The following ABLIM1 variants were observed in gnomAD, a reference collection of about 807,000 sequenced individuals.
ABLIM1 encodes the protein actin binding LIM protein 1, also known as actin-binding LIM protein 1.
In ABLIM1, 40 loss-of-function variants were observed where a neutral mutation model predicts 107.0. The observed-to-expected ratio is 0.37, with a 90% CI of 0.29 to 0.49. ABLIM1 has a LOEUF of 0.49. ABLIM1 is among the 20% of genes least tolerant of loss of function. ABLIM1 has a pLI of 0.97. For synonymous variants in ABLIM1, 357 were observed against 357.3 expected (o/e 1.00, Z 0.01); for missense variants, 857 against 1,008.5 (o/e 0.85, Z 2.04).
chr10:114,486,269 T>A (rs2058174713), intron 8 of ABLIM1, among the ~76,000 whole-genome samples: 1 of 152,122 alleles, frequency 6.6e-6, no homozygotes, highest in African/African-American at 2.4e-5. Flanking sequence ...AGACCCACAT[T>A]CCACTCAGTC....
chr10:114,687,204 C>T (rs552865986), upstream of ABLIM1, among the ~76,000 whole-genome samples: 1 of 152,250 alleles, frequency 6.6e-6, no homozygotes, highest in Non-Finnish European at 1.5e-5. Flanking sequence ...GCAAGTGTGC[C>T]TGTAACTAAG....
chr10:114,563,578 T>A (rs574940429), intron 4 of ABLIM1, among the ~76,000 whole-genome samples: 2 of 152,196 alleles, frequency 1.3e-5, no homozygotes, highest in South Asian at 4.1e-4. Flanking sequence ...CTAATGCCTG[T>A]AATCCCAGCA....
At chr10:114,524,609 A>T (rs919302478) in intron 6 of ABLIM1, among the ~76,000 whole-genome samples, 1 of 152,234 alleles carries the variant, frequency 6.6e-6, no homozygotes, top group Non-Finnish European at 1.5e-5. Context: ...AAAACTCTAT[A>T]TTTACAGAAG....
At chr10:114,636,036 C>T (rs946682941) in intron 1 of ABLIM1, among the ~76,000 whole-genome samples, 2 of 152,152 alleles carry the variant, frequency 1.3e-5, no homozygotes, top group Admixed American at 6.5e-5. Context: ...GAGGTGCTCA[C>T]CATCTAGCGG....
rs1041529088 is a variant in ABLIM1, at chr10:114,546,911, G to A, written c.800+739C>T. ...TCCTCCCACCTCAGACTCACAAGTAGCTGGGACTACAGGCATGTGCCACCA... is the reference window on the plus strand; with the variant it reads ...TCCTCCCACCTCAGACTCACAAGTAACTGGGACTACAGGCATGTGCCACCA... On this transcript the variant is annotated intron_variant, in intron 5 of 22. Transcript: ENST00000533213. 5.9e-5 allele frequency among the ~76,000 whole-genome samples: 9 copies of A among 151,808 alleles called. No homozygotes were observed. The East Asian group carries it at 1.2e-3, about 20-fold the overall frequency.
chr10:114,708,325 G>T (rs2081469793), intron 1 of ABLIM1, among the ~76,000 whole-genome samples: 1 of 152,144 alleles, frequency 6.6e-6, no homozygotes, highest in Admixed American at 6.5e-5. Context: ...AAGAAAAACA[G>T]CCGCTGTTTC....
intron 1 of ABLIM1, among the ~76,000 whole-genome samples, chr10:114,761,985 T>C (rs949151114): frequency 2.1e-5 from 3 of 139,984 alleles, no homozygotes; most frequent in Non-Finnish European, 4.6e-5. Context: ...TCCCATATGC[T>C]CTCTCTCTCT....
At chr10:114,437,066 G>A (rs2059515527) in intron 22 of ABLIM1, among the ~76,000 whole-genome samples, 1 of 152,086 alleles carries the variant, frequency 6.6e-6, no homozygotes, top group Non-Finnish European at 1.5e-5. Flanking sequence ...CAAGGAATGT[G>A]GAAACAGCCA....
At chr10:114,671,879 T>C (rs2080270514) in intron 1 of ABLIM1, among the ~76,000 whole-genome samples, 1 of 152,198 alleles carries the variant, frequency 6.6e-6, no homozygotes, top group Admixed American at 6.5e-5. Flanking sequence ...TATTTTTTTT[T>C]AGAGACAGGT....
At chr10:114,764,710 G>A (rs1481008439) in intron 1 of ABLIM1, 2 of 152,290 alleles carry the variant, frequency 1.3e-5, no homozygotes, top group South Asian at 2.1e-4. Context: ...AAAAATACAA[G>A]CAAGTTATCC....
chr10:114,700,329 T>C (rs1486226225), intron 1 of ABLIM1, among the ~76,000 whole-genome samples: 1 of 152,194 alleles, frequency 6.6e-6, no homozygotes, highest in Non-Finnish European at 1.5e-5. Flanking sequence ...GTCTATGGAT[T>C]ATAAGGTTCA....
chr10:114,613,851 G>GA, intron 1 of ABLIM1: 1 of 634,280 alleles, frequency 1.6e-6, no homozygotes, highest in Non-Finnish European at 2.3e-6. Context: ...TAATTTTGCT[G>GA]GGTGTAACCT....
intron 2 of ABLIM1, among the ~76,000 whole-genome samples, chr10:114,580,252 C>A (rs891515372): frequency 2.7e-5 from 4 of 150,836 alleles, no homozygotes; most frequent in Non-Finnish European, 4.4e-5. Context: ...TGTTGCCCAG[C>A]ATGGAGTACA....
intron 7 of ABLIM1, among the ~76,000 whole-genome samples, chr10:114,489,743 AG>A (rs1461751011): frequency 1.6e-4 from 25 of 152,294 alleles, no homozygotes; most frequent in African/African-American, 5.8e-4. Context: ...TCCAGAGGTC[AG>A]GCACACAAGG....
intron 6 of ABLIM1, among the ~76,000 whole-genome samples, chr10:114,537,974 A>G (rs1178014951): frequency 6.6e-6 from 1 of 152,232 alleles, no homozygotes; most frequent in Non-Finnish European, 1.5e-5. Flanking sequence ...GATGGTGACA[A>G]AAAGATTAGA....
chr10:114,781,272 G>C, the ABLIM1 span, among the ~76,000 whole-genome samples: 1 of 152,160 alleles, frequency 6.6e-6, no homozygotes, highest in South Asian at 2.1e-4. Flanking sequence ...GGGAGGCCTA[G>C]CTGGGCATAT....
intron 6 of ABLIM1, among the ~76,000 whole-genome samples, chr10:114,538,553 GAGACACAAGGACAGGTGCCACC>G (rs1457428772): frequency 1.3e-5 from 2 of 152,130 alleles, no homozygotes; most frequent in Non-Finnish European, 2.9e-5. Context: ...TAAATACCAC[GAGACACAAGGACAGGTGCCACC>G]AGCCCGCCCA....
At position 114,441,625 on chromosome 10, in the gene ABLIM1, G is replaced by T. The variant is rs139096534; in HGVS notation, c.1998+97C>A. 8.6e-5 allele frequency: 101 copies of T among 1,176,946 alleles called. No homozygotes were observed. The African/African-American group carries it at 1.3e-3, about 15-fold the overall frequency. 72.9% of individuals were successfully genotyped at this position (1,176,946 alleles called of 1,614,324 possible). A position where few individuals can be genotyped will look rare whatever the true frequency, so the allele number is the denominator to read the frequency against. On this transcript the variant is annotated intron_variant, in intron 18 of 22. Transcript: ENST00000533213. ...AATTTTCATTATGTTCCAACACTGA[G>T]ATCAAGAGTCAGACGTATTCAGGCA...
chr10:114,720,897 A>T (rs760707115), intron 1 of ABLIM1, among the ~76,000 whole-genome samples: 7 of 152,194 alleles, frequency 4.6e-5, no homozygotes, highest in Admixed American at 2.0e-4. Context: ...AGCAAGAATA[A>T]CTACTGGTGT....
Sources: allele counts gnomAD v4.1 joint callset (sites outside exome capture counted in the v4.1 genomes callset), GRCh38; gene constraint gnomAD v4.1.1; transcripts MANE v1.5; gene names NCBI Gene and HGNC (gene_info 2026-07-23, HGNC 2026-07-21).